Variants in NBPF12 observed in about 807,000 individuals in gnomAD.
The protein encoded by NBPF12 is NBPF member 12.
A neutral mutation model predicts 146.4 loss-of-function variants in NBPF12; 115 were observed. The ratio of observed to expected loss-of-function variants is 0.79; its 90% CI spans 0.68 to 0.92. The LOEUF (loss-of-function observed/expected upper bound fraction) is 0.92, where lower values mean the gene tolerates loss of function less well. Among genes scored for constraint, NBPF12 ranks in the 40% least tolerant of loss-of-function variants. The probability of loss-of-function intolerance (pLI) is 0.00; values close to 1 mark genes in which losing one functional copy is unlikely to be tolerated. For missense variants in NBPF12, 1,205 were observed against 1,326.8 expected (o/e 0.91, Z 1.43); for synonymous variants, 385 against 508.9 (o/e 0.76, Z 3.28).
exon 34 of NBPF12, chr1:146,996,007 C>T (rs1326154541): frequency 3.4e-5 from 5 of 148,438 alleles, no homozygotes; most frequent in Admixed American, 2.7e-4. Context: ...TCTGCTGTTG[C>T]AAAAAGAAGA....
At chr1:146,944,990 TCCTCCCTCCCTCCCTTCCTTCCTC>T (rs1654971848), upstream of NBPF12, among the ~76,000 whole-genome samples, 562 of 16,530 alleles carry the variant, frequency 0.034, 16 homozygotes, top group African/African-American at 0.14. Flanking sequence ...CTGCCTTCCT[TCCTCCCTCCCTCCCTTCCTTCCTC>T]CCTCCCTCCC....
Position 146,962,768 on chromosome 1 carries a change from T to C in NBPF12, c.279-327T>C, listed in dbSNP as rs1166104364. On this transcript the variant is annotated intron_variant, in intron 5 of 33. Coordinates refer to ENST00000617844, the Ensembl canonical transcript of NBPF12. ...GTGGCCGCAAGATGCACTATGTGTA[T>C]TTTCACATGGAAATGTCCATGGCCA... Among the ~76,000 whole-genome samples the C allele has an allele frequency of 9.2e-4, 138 of 149,190 alleles. 2 individuals carry two copies. Among genetic ancestry groups the C allele is most frequent in the African/African-American group, 3.3e-3 (133 of 40,264 alleles).
Position 146,991,310 on chromosome 1 carries a change from T to G in NBPF12, c.3796+25T>G. 5 of 908,178 alleles carry G rather than the reference T, an allele frequency of 5.5e-6. 1 individual carries two copies. The highest frequency in any genetic ancestry group is 8.6e-6 in the Non-Finnish European group (5 of 583,506). 56.3% of individuals were successfully genotyped at this position (908,178 alleles called of 1,614,324 possible). A position where few individuals can be genotyped will look rare whatever the true frequency, so the allele number is the denominator to read the frequency against. On this transcript the variant is annotated intron_variant, in intron 30 of 33. Coordinates refer to ENST00000617844, the Ensembl canonical transcript of NBPF12. The stretch of plus-strand genomic sequence containing the variant: ...AGTGAGTACCTTACTATGAAGGTGA[T>G]AAGCCTCCACCTGGCCTTCCAGATA...
At chr1:146,971,035 G>T in intron 12 of NBPF12, 148 bp from the exon 16 acceptor site, 16 of 1,251,704 alleles carry the variant, frequency 1.3e-5, no homozygotes, top group East Asian at 2.3e-5. Flanking sequence ...GAGAGAAGAG[G>T]ATTGCCTGTT....
At chr1:146,959,861 G>T in exon 3 of NBPF12, 6 of 147,782 alleles carry the variant, frequency 4.1e-5, no homozygotes, top group Non-Finnish European at 6.7e-5. Context: ...AACTGCAGAC[G>T]GTTACCTGGC....
At chr1:146,965,891 T>G (rs1358519915) in intron 8 of NBPF12, among the ~76,000 whole-genome samples, 1 of 143,568 alleles carries the variant, frequency 7.0e-6, no homozygotes, top group Non-Finnish European at 1.5e-5. Context: ...GCGGAACACC[T>G]GAGCTCAGGA....
chr1:146,971,780 C>T (rs1376451158), intron 13 of NBPF12, among the ~76,000 whole-genome samples: 1 of 150,798 alleles, frequency 6.6e-6, no homozygotes, highest in Non-Finnish European at 1.5e-5. Context: ...CTTGTCTTAG[C>T]TATTAATAAG....
upstream of NBPF12, among the ~76,000 whole-genome samples, chr1:146,945,928 CCT>C (rs1655037532): frequency 6.6e-6 from 1 of 151,570 alleles, no homozygotes; most frequent in African/African-American, 2.4e-5. Context: ...CTGAAAATTC[CCT>C]GTGCTTCACC....
upstream of NBPF12, among the ~76,000 whole-genome samples, chr1:146,944,708 G>A (rs9437870): frequency 3.3e-5 from 5 of 151,824 alleles, no homozygotes; most frequent in East Asian, 9.7e-4. Context: ...CTAATAACTA[G>A]TTAGCATGTT....
At chr1:146,940,998 A>G (rs1411160635) in intron 1 of NBPF12, among the ~76,000 whole-genome samples, 1 of 151,864 alleles carries the variant, frequency 6.6e-6, no homozygotes, top group African/African-American at 2.4e-5. Context: ...CCTTTCTAGG[A>G]TATATATGGA....
intron 11 of NBPF12, among the ~76,000 whole-genome samples, chr1:146,970,423 T>G: frequency 6.6e-6 from 1 of 151,090 alleles, no homozygotes; most frequent in Non-Finnish European, 1.5e-5. Flanking sequence ...GCAAAAGGTC[T>G]TTTCAGTATT....
At chr1:146,968,578 G>C in intron 10 of NBPF12, 28 bp downstream of exon 13, 1 of 1,553,936 alleles carries the variant, frequency 6.4e-7, no homozygotes, top group South Asian at 1.1e-5. Flanking sequence ...GGGCAGGCAG[G>C]GGGGCAGGTG....
At chr1:146,973,206 ACC>A (rs1382019438) in intron 14 of NBPF12, among the ~76,000 whole-genome samples, 82,895 of 149,598 alleles carry the variant, frequency 0.55, 24,246 homozygotes, top group East Asian at 0.81. Context: ...GATTTCTGAC[ACC>A]GGCACAGAAT....
chr1:146,958,279 C>CT lies in NBPF12; in HGVS notation c.-183-1578dup, dbSNP rs1295665121. Among the ~76,000 whole-genome samples, 2 of 127,246 alleles carry CT rather than the reference C, an allele frequency of 1.6e-5. 1 individual carries two copies. Among genetic ancestry groups the CT allele is most frequent in the East Asian group, 5.5e-4 (2 of 3,632 alleles). 83.5% of individuals were successfully genotyped at this position (127,246 alleles called of 152,430 possible). Reference sequence around the variant, plus strand: ...TTTTAAAAACAAAGACACCAATGCCCTTCATTGGGGAAATGAAAGACTTTT... The same window carrying CT: ...TTTTAAAAACAAAGACACCAATGCCCTTTCATTGGGGAAATGAAAGACTTTT... On this transcript the variant is annotated intron_variant, in intron 2 of 33. Coordinates refer to ENST00000617844, the Ensembl canonical transcript of NBPF12.
At chr1:146,949,765 C>G (rs1355578331) in intron 1 of NBPF12, among the ~76,000 whole-genome samples, 2 of 151,408 alleles carry the variant, frequency 1.3e-5, no homozygotes, top group African/African-American at 4.9e-5. Context: ...GACTGAGGGC[C>G]CTTTTTCTGT....
chr1:146,962,629 A>G (rs1655927363), intron 5 of NBPF12, among the ~76,000 whole-genome samples: 2 of 151,122 alleles, frequency 1.3e-5, no homozygotes, highest in Non-Finnish European at 2.9e-5. Flanking sequence ...GCGTCTTCTC[A>G]TTCTTTCACT....
chr1:146,986,118 A>T (rs1382742163), intron 23 of NBPF12, among the ~76,000 whole-genome samples: 2 of 151,690 alleles, frequency 1.3e-5, no homozygotes, highest in African/African-American at 4.9e-5. Context: ...CACCCGGCCA[A>T]TTCGCTGAGC....
At chr1:146,983,713 CAA>C (rs1657528854) in intron 20 of NBPF12, among the ~76,000 whole-genome samples, 3 of 101,832 alleles carry the variant, frequency 2.9e-5, no homozygotes, top group African/African-American at 7.3e-5. Flanking sequence ...CATTTTGACT[CAA>C]GAGCTGGTAC....
exon 34 of NBPF12, chr1:146,995,252 C>T (rs1330432205): frequency 2.4e-5 from 3 of 124,490 alleles, no homozygotes; most frequent in African/African-American, 1.0e-4. Flanking sequence ...GAGCCGCTGG[C>T]AGGAGACAGC....
Sources: gnomAD v4.1 joint callset for allele counts (sites outside exome capture counted in the v4.1 genomes callset) on GRCh38, gnomAD v4.1.1 for gene constraint, MANE v1.5 for transcripts, NCBI Gene and HGNC (gene_info 2026-07-23, HGNC 2026-07-21) for gene names.